The following IL7 variants were observed in gnomAD, a reference collection of about 807,000 sequenced individuals.
IL7 encodes interleukin-7.
A neutral mutation model predicts 21.6 loss-of-function variants in IL7; 3 were observed. The observed-to-expected ratio is 0.14, with a 90% CI of 0.06 to 0.36. The LOEUF (loss-of-function observed/expected upper bound fraction) is 0.36. IL7 is among the 10% of genes least tolerant of loss of function. IL7 has a pLI of 1.00. For synonymous variants in IL7, 62 were observed against 68.1 expected, an observed-to-expected ratio of 0.91 and a Z score of 0.44; for missense variants, 175 against 200.2, an observed-to-expected ratio of 0.87 and a Z score of 0.76.
intron 2 of IL7, among the ~76,000 whole-genome samples, chr8:78,770,064 C>A (rs1319395647): frequency 6.6e-6 from 1 of 152,106 alleles, no homozygotes; most frequent in African/African-American, 2.4e-5. Context: ...AAATGTTAGG[C>A]CTAAAACCAT....
chr8:78,804,675 G>C (rs992566221), intron 1 of IL7, among the ~76,000 whole-genome samples: 1 of 152,196 alleles, frequency 6.6e-6, no homozygotes, highest in Non-Finnish European at 1.5e-5. Context: ...GCAGGCGTTG[G>C]GGACTGTTAC....
intron 5 of IL7, chr8:78,719,298 A>G (rs1041453475): frequency 1.4e-4 from 22 of 151,784 alleles, no homozygotes; most frequent in Admixed American, 7.9e-4. Context: ...TAATTGGCAC[A>G]CATTTGTTTC....
intron 2 of IL7, among the ~76,000 whole-genome samples, chr8:78,742,579 T>G (rs1427693392): frequency 6.6e-6 from 1 of 152,186 alleles, no homozygotes; most frequent in Non-Finnish European, 1.5e-5. Flanking sequence ...AAACTATAAT[T>G]ACAGTATACA....
downstream of IL7, among the ~76,000 whole-genome samples, chr8:78,732,445 G>A (rs11986057): frequency 3.3e-5 from 5 of 152,192 alleles, no homozygotes; most frequent in African/African-American, 1.2e-4. Context: ...AAGCCCATCA[G>A]CACATAACTA....
At chr8:78,713,512 G>A (rs765802139), downstream of IL7, among the ~76,000 whole-genome samples, 1 of 151,464 alleles carries the variant, frequency 6.6e-6, no homozygotes, top group East Asian at 1.9e-4. Flanking sequence ...CTTTGACAAT[G>A]ATTTCCTAAA....
intron 2 of IL7, among the ~76,000 whole-genome samples, chr8:78,787,487 T>C (rs886502465): frequency 2.0e-5 from 3 of 152,150 alleles, no homozygotes; most frequent in Admixed American, 6.6e-5. Flanking sequence ...CTGTTTTTTT[T>C]CCCACAGATA....
At chr8:78,741,559 C>G (rs1383353487) in intron 2 of IL7, among the ~76,000 whole-genome samples, 5 of 152,180 alleles carry the variant, frequency 3.3e-5, no homozygotes, top group African/African-American at 1.2e-4. Flanking sequence ...TTTCTTGCAA[C>G]ATGTTAGCAA....
chr8:78,681,996 A>G (rs1585987112), intron 4 of IL7, among the ~76,000 whole-genome samples: 2 of 143,162 alleles, frequency 1.4e-5, no homozygotes, highest in Admixed American at 1.4e-4. Context: ...TGCCACTTTC[A>G]CCTCCCAAAA....
At chr8:78,749,493 A>T (rs1255625189) in intron 2 of IL7, among the ~76,000 whole-genome samples, 1 of 152,156 alleles carries the variant, frequency 6.6e-6, no homozygotes, top group Non-Finnish European at 1.5e-5. Context: ...AGGATCCCCA[A>T]ATTAGAGAAA....
At chr8:78,726,785 CATT>C (rs907472994) in intron 3 of IL7, among the ~76,000 whole-genome samples, 1 of 151,950 alleles carries the variant, frequency 6.6e-6, no homozygotes, top group African/African-American at 2.4e-5. Flanking sequence ...TAGTCCCACT[CATT>C]AGAAATAAAG....
chr8:78,794,215 G>T (rs1813784130), intron 2 of IL7, among the ~76,000 whole-genome samples: 1 of 152,020 alleles, frequency 6.6e-6, no homozygotes, highest in Non-Finnish European at 1.5e-5. Context: ...TGTTCACAAG[G>T]TTTCAATTCT....
chr8:78,711,947 A>G, intron 3 of IL7: 1 of 1,180,394 alleles, frequency 8.5e-7, no homozygotes, highest in Non-Finnish European at 1.1e-6. Context: ...ATAAAGAAGC[A>G]GTAGCAATCT....
chr8:78,720,677 G>T (rs189399703), intron 5 of IL7, among the ~76,000 whole-genome samples: 272 of 151,832 alleles, frequency 1.8e-3, no homozygotes, highest in African/African-American at 5.8e-3. Flanking sequence ...TAGAAATTTT[G>T]CCCAGCTCAA....
At chr8:78,804,879 C>T in intron 1 of IL7, 34 bp downstream of exon 1, 1 of 1,612,170 alleles carries the variant, frequency 6.2e-7, no homozygotes, top group Non-Finnish European at 8.5e-7. Flanking sequence ...GCGTCGGGCG[C>T]GCGAACTTGT....
At chr8:78,696,489 T>A (rs753119446) in intron 3 of IL7, among the ~76,000 whole-genome samples, 1 of 152,208 alleles carries the variant, frequency 6.6e-6, no homozygotes, top group Non-Finnish European at 1.5e-5. Context: ...GGCATAACCC[T>A]GGGCAAGTTC....
downstream of IL7, among the ~76,000 whole-genome samples, chr8:78,727,830 G>A (rs1449103940): frequency 1.3e-5 from 2 of 151,822 alleles, no homozygotes; most frequent in Non-Finnish European, 2.9e-5. Context: ...TTCACAGAAG[G>A]CATGATTTCT....
At chr8:78,712,690 AAG>A (rs1810987752) in intron 3 of IL7, among the ~76,000 whole-genome samples, 1 of 152,140 alleles carries the variant, frequency 6.6e-6, no homozygotes, top group African/African-American at 2.4e-5. Flanking sequence ...GCTGGCTGAA[AAG>A]AGTGTGTGGC....
At chr8:78,765,357 T>C (rs59286098) in intron 2 of IL7, among the ~76,000 whole-genome samples, 9,966 of 152,128 alleles carry the variant, frequency 0.066, 532 homozygotes, top group East Asian at 0.29. Flanking sequence ...TCAGAACTTC[T>C]GCTTTGCAAA....
At chr8:78,773,305 C>T (rs2717546) in intron 2 of IL7, among the ~76,000 whole-genome samples, 42,366 of 151,944 alleles carry the variant, frequency 0.28, 7,927 homozygotes, top group African/African-American at 0.53. Context: ...CACACAGACA[C>T]GGGGAGAATG....
Sources: allele counts gnomAD v4.1 joint callset (sites outside exome capture counted in the v4.1 genomes callset), GRCh38; gene constraint gnomAD v4.1.1; transcripts MANE v1.5; gene names NCBI Gene and HGNC (gene_info 2026-07-23, HGNC 2026-07-21).